The following ARHGAP6 variants were observed in gnomAD, a reference collection of about 807,000 sequenced individuals.
The protein encoded by ARHGAP6 is rho GTPase-activating protein 6.
Under a neutral mutation model 55.7 loss-of-function variants are expected in ARHGAP6, and 16 were observed. The observed-to-expected ratio is 0.29, with a 90% CI of 0.19 to 0.44. The LOEUF is 0.44. Ranked by LOEUF, ARHGAP6 falls within the 20% of genes least tolerant of loss-of-function variation. ARHGAP6 has a pLI of 1.00. For missense variants in ARHGAP6, 698 were observed against 808.9 expected (o/e 0.86, Z 1.66); for synonymous variants, 382 against 360.9 (o/e 1.06, Z -0.66).
chrX:11,216,868 C>A (rs2046890536), intron 2 of ARHGAP6, among the ~76,000 whole-genome samples: 2 of 110,265 alleles, frequency 1.8e-5, no homozygotes, highest in African/African-American at 6.6e-5. Flanking sequence ...CCTCCCCTAG[C>A]CCTCCACCCC....
chrX:11,166,843 C>T (rs762985223), intron 9 of ARHGAP6, among the ~76,000 whole-genome samples: 6 of 111,361 alleles, frequency 5.4e-5, no homozygotes, highest in East Asian at 5.6e-4. Context: ...AGGGACAGGA[C>T]GATAGTAAAT....
intron 1 of ARHGAP6, among the ~76,000 whole-genome samples, chrX:11,386,882 G>T (rs2049335060): frequency 8.9e-6 from 1 of 111,877 alleles, no homozygotes; most frequent in African/African-American, 3.2e-5. Flanking sequence ...GGCAAAGGAA[G>T]AAATACCCGC....
At chrX:11,543,033 T>A (rs2051175709) in intron 1 of ARHGAP6, among the ~76,000 whole-genome samples, 1 of 111,143 alleles carries the variant, frequency 9.0e-6, no homozygotes, top group Admixed American at 9.5e-5. Context: ...GGAAAAAAAA[T>A]TGTATTTGGG....
At chrX:11,326,003 G>C (rs1402352225) in intron 1 of ARHGAP6, among the ~76,000 whole-genome samples, 1 of 111,987 alleles carries the variant, frequency 8.9e-6, no homozygotes, top group African/African-American at 3.2e-5. Context: ...ACATAAAATT[G>C]TTTCCCAGTT....
chrX:11,392,163 G>A (rs1322892357), intron 1 of ARHGAP6, among the ~76,000 whole-genome samples: 1 of 112,236 alleles, frequency 8.9e-6, no homozygotes. Context: ...TAGACCAAAG[G>A]AAGCTCAGTT....
chrX:11,483,295 T>C (rs905896639), intron 1 of ARHGAP6, among the ~76,000 whole-genome samples: 1 of 111,993 alleles, frequency 8.9e-6, no homozygotes, highest in Non-Finnish European at 1.9e-5. Context: ...CGAGCCATGA[T>C]TGTTGTAAAC....
intron 2 of ARHGAP6, among the ~76,000 whole-genome samples, chrX:11,207,596 G>T (rs548284522): frequency 3.6e-5 from 4 of 111,631 alleles, no homozygotes; most frequent in Non-Finnish European, 7.5e-5. Flanking sequence ...CATTGCATCT[G>T]GCTATTTAGA....
At chrX:11,434,260 A>G (rs970056019) in intron 1 of ARHGAP6, among the ~76,000 whole-genome samples, 4 of 112,079 alleles carry the variant, frequency 3.6e-5, no homozygotes, top group Non-Finnish European at 7.5e-5. Flanking sequence ...AATAATTTCC[A>G]CTTAGCAGTA....
At chrX:11,631,099 C>A (rs777822923) in intron 1 of ARHGAP6, among the ~76,000 whole-genome samples, 32 of 110,884 alleles carry the variant, frequency 2.9e-4, no homozygotes, top group African/African-American at 1.0e-3. Context: ...GATAATAGTT[C>A]AGATAATTCA....
chrX:11,283,948 A>T (rs2047891463), intron 1 of ARHGAP6, among the ~76,000 whole-genome samples: 1 of 112,226 alleles, frequency 8.9e-6, no homozygotes, highest in Admixed American at 9.5e-5. Flanking sequence ...TAGCAGCAAC[A>T]GGGAACCAAT....
chrX:11,311,494 G>A (rs1035226378), intron 1 of ARHGAP6, among the ~76,000 whole-genome samples: 1 of 111,825 alleles, frequency 8.9e-6, no homozygotes, highest in African/African-American at 3.3e-5. Flanking sequence ...AGAAAGATTT[G>A]CTAGTGGCCC....
At position 11,226,626 on chromosome X, in the gene ARHGAP6, A is replaced by G. The variant is rs1161825443; in HGVS notation, c.748+27922T>C. Among the ~76,000 whole-genome samples the G allele has an allele frequency of 8.0e-5, 9 of 111,878 alleles. No homozygotes were observed. In the East Asian group the frequency reaches 2.5e-3, roughly 31 times the overall value. On this transcript the variant is annotated intron_variant, in intron 2 of 12. Coordinates refer to ENST00000337414, the MANE Select transcript of ARHGAP6 (RefSeq NM_013427.3). Reference sequence around the variant, plus strand: ...ATACTTTATGAATACATTAATGAAGATTTCATATTCAGTTTTTAGGAGATC... The same window carrying G: ...ATACTTTATGAATACATTAATGAAGGTTTCATATTCAGTTTTTAGGAGATC...
At chrX:11,162,993 C>A (rs5934969) in intron 9 of ARHGAP6, among the ~76,000 whole-genome samples, 2,513 of 111,936 alleles carry the variant, frequency 0.022, 29 homozygotes, top group Middle Eastern at 0.06. Context: ...AGCAATTCTG[C>A]ATGTTAAAAA....
At chrX:11,503,679 G>T (rs1004644223) in intron 1 of ARHGAP6, among the ~76,000 whole-genome samples, 2 of 111,250 alleles carry the variant, frequency 1.8e-5, no homozygotes, top group African/African-American at 6.5e-5. Flanking sequence ...CTCTCTCTCG[G>T]ATCTTCAGAG....
intron 1 of ARHGAP6, among the ~76,000 whole-genome samples, chrX:11,440,046 G>C (rs553406862): frequency 4.2e-4 from 47 of 112,241 alleles, no homozygotes; most frequent in African/African-American, 1.5e-3. Context: ...AGTTGAATGG[G>C]GCTTGCACCC....
At chrX:11,386,858 T>C (rs1223433661) in intron 1 of ARHGAP6, among the ~76,000 whole-genome samples, 1 of 111,821 alleles carries the variant, frequency 8.9e-6, no homozygotes, top group Non-Finnish European at 1.9e-5. Flanking sequence ...AGGAACTGCG[T>C]ATAATGATTT....
chrX:11,468,886 G>A (rs1424145968), intron 1 of ARHGAP6, among the ~76,000 whole-genome samples: 1 of 112,479 alleles, frequency 8.9e-6, no homozygotes, highest in African/African-American at 3.2e-5. Context: ...ATTTGAGGGT[G>A]GAACCTTTGA....
intron 1 of ARHGAP6, among the ~76,000 whole-genome samples, chrX:11,316,766 T>A: frequency 8.9e-6 from 1 of 112,233 alleles, no homozygotes; most frequent in Non-Finnish European, 1.9e-5. Context: ...ATCTATGAGT[T>A]CAACTTTTTT....
chrX:11,657,235 C>A (rs1337414111), intron 1 of ARHGAP6, among the ~76,000 whole-genome samples: 7 of 108,044 alleles, frequency 6.5e-5, no homozygotes, highest in African/African-American at 2.4e-4. Context: ...GAGGATAAGT[C>A]CAAGATGGCA....
Sources: allele counts gnomAD v4.1 joint callset (sites outside exome capture counted in the v4.1 genomes callset), GRCh38; gene constraint gnomAD v4.1.1; transcripts MANE v1.5; gene names NCBI Gene and HGNC (gene_info 2026-07-23, HGNC 2026-07-21).